The following PCSK6 variants were observed in gnomAD, a reference collection of about 807,000 sequenced individuals.
The protein encoded by PCSK6 is proprotein convertase subtilisin/kexin type 6, also known as paired basic amino acid cleaving enzyme 4.
PCSK6 carries 85 observed loss-of-function variants against 123.3 expected under a neutral mutation model. The observed-to-expected ratio is 0.69, with a 90% CI of 0.58 to 0.83. PCSK6 has a LOEUF of 0.83. PCSK6 is among the 40% of genes least tolerant of loss of function. The pLI is 0.00. For synonymous variants in PCSK6, 508 were observed against 516.0 expected (o/e 0.98, Z 0.21); for missense variants, 1,191 against 1,282.3 (o/e 0.93, Z 1.09).
At chr15:101,331,803 A>G in intron 14 of PCSK6, 49 bp downstream of exon 14, 1 of 1,608,042 alleles carries the variant, frequency 6.2e-7, no homozygotes, top group East Asian at 2.2e-5. Context: ...ACTCTGGACA[A>G]TCAAAGCTCG....
chr15:101,447,581 C>G (rs1401947215), intron 1 of PCSK6, among the ~76,000 whole-genome samples: 2 of 152,198 alleles, frequency 1.3e-5, no homozygotes, highest in Non-Finnish European at 2.9e-5. Context: ...ACTTTTAGGA[C>G]CTCTTCAGGG....
chr15:101,335,774 T>TCCTGAGAAATGCAGGTGATTTTGTATCC, intron 13 of PCSK6, among the ~76,000 whole-genome samples: 1 of 152,224 alleles, frequency 6.6e-6, no homozygotes, highest in Non-Finnish European at 1.5e-5. Context: ...TGGGGATACC[T>TCCTGAGAAATGCAGGTGATTTTGTATCC]CCTGAGAAAT....
At chr15:101,383,334 C>T (rs1350837426) in intron 10 of PCSK6, among the ~76,000 whole-genome samples, 1 of 144,698 alleles carries the variant, frequency 6.9e-6, no homozygotes, top group Non-Finnish European at 1.5e-5. Flanking sequence ...CGTTTGAACG[C>T]AGGAGGCAAA....
At chr15:101,335,120 C>T (rs367893007) in intron 13 of PCSK6, among the ~76,000 whole-genome samples, 36 of 152,222 alleles carry the variant, frequency 2.4e-4, no homozygotes, top group African/African-American at 6.0e-4. Context: ...CCACCACGCC[C>T]GGCTACTTTT....
At position 101,382,197 on chromosome 15, in the gene PCSK6, T is replaced by C. The variant is rs1596264113; in HGVS notation, c.1427A>G (p.Tyr476Cys). ...TTCTGCGTCCACCAAACCAAATCCA[T>C]AGAAATGGCTAACTGAAAAGACAGG... ...NGAGHKVSHFYGFGLVDAEAL... is the reference protein window; with the variant it reads ...NGAGHKVSHFCGFGLVDAEAL... Residue 476 changes from tyrosine to cysteine, a missense_variant, in exon 11 of 22, where the codon TAT becomes TGT. Around this residue, in one of 3 missense-constraint regions of PCSK6, gnomAD observed 357 missense variants for 484.5 expected, o/e 0.74. Coordinates refer to ENST00000611716, the MANE Select transcript of PCSK6 (RefSeq NM_002570.5). 2 of 1,610,368 alleles carry C rather than the reference T, an allele frequency of 1.2e-6. No individual in the cohort carries two copies. Among genetic ancestry groups the C allele is most frequent in the Admixed American group, 1.7e-5 (1 of 59,628 alleles).
chr15:101,406,674 C>T (rs1401418964), intron 6 of PCSK6, among the ~76,000 whole-genome samples: 2 of 151,922 alleles, frequency 1.3e-5, no homozygotes, highest in Non-Finnish European at 2.9e-5. Flanking sequence ...CTAACTATGC[C>T]CCCACAGGAC....
At chr15:101,484,131 T>A (rs1175977418) in intron 1 of PCSK6, among the ~76,000 whole-genome samples, 2 of 152,210 alleles carry the variant, frequency 1.3e-5, no homozygotes, top group African/African-American at 4.8e-5. Flanking sequence ...AGAAAAAAAG[T>A]ACAAAATGTC....
intron 6 of PCSK6, among the ~76,000 whole-genome samples, chr15:101,406,301 CG>C (rs370240332): frequency 7.9e-5 from 12 of 152,256 alleles, no homozygotes; most frequent in African/African-American, 2.4e-4. Flanking sequence ...AGGCAGGGAG[CG>C]GGACACGCTG....
intron 9 of PCSK6, among the ~76,000 whole-genome samples, 177 bp from the exon 10 acceptor site, chr15:101,384,602 C>T (rs542448786): frequency 7.2e-5 from 11 of 152,108 alleles, no homozygotes; most frequent in South Asian, 4.1e-4. Context: ...AACAAGTTTC[C>T]GGCAACTAAA....
chr15:101,363,141 C>T (rs1358118453), intron 13 of PCSK6, among the ~76,000 whole-genome samples: 2 of 152,040 alleles, frequency 1.3e-5, no homozygotes, highest in Non-Finnish European at 1.5e-5. Context: ...CGCATGTTGG[C>T]CTAATAGGAA....
At chr15:101,452,146 G>A (rs541938452) in intron 1 of PCSK6, among the ~76,000 whole-genome samples, 2 of 152,270 alleles carry the variant, frequency 1.3e-5, no homozygotes, top group Admixed American at 1.3e-4. Context: ...CCCAAACTAT[G>A]CAATTAAGCT....
Position 101,489,658 on chromosome 15 carries a change from C to A in PCSK6, c.13G>T (p.Ala5Ser). MPPRAPPAPGPRPPP... is the reference protein window; with the variant it reads MPPRSPPAPGPRPPP... ...GGCCGGGGCCCGGGCGCAGGCGGCG[C>A]GCGCGGAGGCATAGCGGCGACAGGC... The change falls in exon 1 of 22, where the codon GCG becomes TCG. Residue 5 changes from alanine to serine, a missense_variant. Ala to Ser is a moderately conservative substitution (Grantham distance 99, BLOSUM62 1). Transcript: ENST00000611716. 1.0e-6 allele frequency: 1 copy of A among 976,344 alleles called. No individual in the cohort carries two copies. Among genetic ancestry groups the A allele is most frequent in the Non-Finnish European group, 1.2e-6 (1 of 825,496 alleles). 60.5% of individuals were successfully genotyped at this position (976,344 alleles called of 1,614,324 possible).
chr15:101,355,271 C>G (rs1403789387), intron 13 of PCSK6, among the ~76,000 whole-genome samples: 1 of 152,196 alleles, frequency 6.6e-6, no homozygotes, highest in Admixed American at 6.5e-5. Context: ...TATGTGAATA[C>G]CAAGTACGTA....
rs80144840 is a variant in PCSK6, at chr15:101,387,627, C to A, written c.1310+1837G>T. On this transcript the variant is annotated intron_variant, in intron 9 of 21. Transcript: ENST00000611716. ...ATGTTTGAAAAGTACCAAGACTGTC[C>A]CAAAACCATGGGACTCCCTTTAGAG... Among the ~76,000 whole-genome samples, 174 of 152,316 alleles carry A rather than the reference C, an allele frequency of 1.1e-3. 1 individual carries two copies. In the East Asian group the frequency reaches 0.029, roughly 25 times the overall value.
chr15:101,391,707 T>A (rs1407865410), intron 8 of PCSK6, among the ~76,000 whole-genome samples: 16 of 152,168 alleles, frequency 1.1e-4, no homozygotes, highest in Admixed American at 7.9e-4. Context: ...GCTGGGACTG[T>A]GATATGTCGA....
At chr15:101,477,504 C>A (rs989712721) in intron 1 of PCSK6, among the ~76,000 whole-genome samples, 2 of 152,168 alleles carry the variant, frequency 1.3e-5, no homozygotes, top group Non-Finnish European at 2.9e-5. Flanking sequence ...TGAGTGTGCA[C>A]GCACACACTC....
intron 1 of PCSK6, 35 bp downstream of exon 1, chr15:101,489,339 G>C (rs1454396053): frequency 2.7e-6 from 3 of 1,115,584 alleles, no homozygotes; most frequent in Admixed American, 5.4e-5. Flanking sequence ...AGGCCGCCGG[G>C]AAAGTTTTGG....
At chr15:101,309,201 TC>T (rs2039796256) in intron 20 of PCSK6, 2 of 152,534 alleles carry the variant, frequency 1.3e-5, no homozygotes, top group Admixed American at 1.3e-4. Context: ...CTCACGAGGT[TC>T]AGGGCAAGGT....
At chr15:101,388,211 C>T (rs1229709374) in intron 9 of PCSK6, among the ~76,000 whole-genome samples, 1 of 152,226 alleles carries the variant, frequency 6.6e-6, no homozygotes, top group Non-Finnish European at 1.5e-5. Flanking sequence ...GACACAGAAG[C>T]TAACATTTTG....
Sources: allele counts gnomAD v4.1 joint callset (sites outside exome capture counted in the v4.1 genomes callset), GRCh38; gene constraint gnomAD v4.1.1; regional missense constraint gnomAD v4.1.1; transcripts MANE v1.5; gene names NCBI Gene and HGNC (gene_info 2026-07-23, HGNC 2026-07-21).